FARS2: variants seen among roughly 807,000 people sequenced by gnomAD.
FARS2 encodes the protein phenylalanine--tRNA ligase, mitochondrial.
In FARS2, 40 loss-of-function variants were observed where a neutral mutation model predicts 46.4. The observed-to-expected ratio is 0.86, with a 90% CI of 0.67 to 1.12. The LOEUF (loss-of-function observed/expected upper bound fraction) is 1.12. FARS2 is among the 50% of genes most tolerant of loss of function. FARS2 has a pLI of 0.00. For missense variants in FARS2, 513 were observed against 567.9 expected, an observed-to-expected ratio of 0.90 and a Z score of 0.98; for synonymous variants, 234 against 214.9, an observed-to-expected ratio of 1.09 and a Z score of -0.78.
At position 5,590,403 on chromosome 6, in the gene FARS2, C is replaced by T. The variant is rs569002714; in HGVS notation, c.1066-22766C>T. ...GCACCCAGCCAGCCCGGTTGAGAGC[C>T]CTTCAGCTCTGGCACAGTGCTCCAC... On this transcript the variant is annotated intron_variant, in intron 5 of 6. Coordinates refer to ENST00000274680, the MANE Select transcript of FARS2 (RefSeq NM_006567.5). Among the ~76,000 whole-genome samples the T allele has an allele frequency of 2.0e-5, 3 of 152,252 alleles. No homozygotes were observed. The East Asian group carries it at 5.8e-4, about 29-fold the overall frequency.
At chr6:5,640,015 A>G (rs867674501) in intron 6 of FARS2, among the ~76,000 whole-genome samples, 5 of 152,294 alleles carry the variant, frequency 3.3e-5, no homozygotes, top group Admixed American at 6.5e-5. Context: ...CCATTTTGCC[A>G]TATCTGTTCC....
At chr6:5,258,079 A>T (rs1201034806), upstream of FARS2, among the ~76,000 whole-genome samples, 1 of 152,160 alleles carries the variant, frequency 6.6e-6, no homozygotes, top group Admixed American at 6.5e-5. Flanking sequence ...ATAGAACAGT[A>T]CTTGTAAAGG....
At chr6:5,445,853 C>G (rs1323543461) in intron 4 of FARS2, among the ~76,000 whole-genome samples, 1 of 152,110 alleles carries the variant, frequency 6.6e-6, no homozygotes, top group African/African-American at 2.4e-5. Flanking sequence ...ACCTAGGAGG[C>G]TGAAGGAAGT....
chr6:5,648,255 C>A (rs540835975), intron 6 of FARS2, among the ~76,000 whole-genome samples: 1 of 152,344 alleles, frequency 6.6e-6, no homozygotes, highest in South Asian at 2.1e-4. Context: ...GCCTCCTTTG[C>A]CCATTTGCCA....
At chr6:5,601,549 A>G (rs958107249) in intron 5 of FARS2, among the ~76,000 whole-genome samples, 4 of 127,648 alleles carry the variant, frequency 3.1e-5, no homozygotes, top group African/African-American at 1.2e-4. Flanking sequence ...AAAAAAAAAA[A>G]AAGACGAGAG....
intron 6 of FARS2, among the ~76,000 whole-genome samples, chr6:5,756,655 A>G (rs1030919946): frequency 3.9e-5 from 6 of 152,220 alleles, no homozygotes. Flanking sequence ...TTACAATTCA[A>G]CATGAGATTT....
chr6:5,448,471 GT>G (rs35279187), intron 4 of FARS2, among the ~76,000 whole-genome samples: 29 of 145,544 alleles, frequency 2.0e-4, no homozygotes, highest in African/African-American at 3.3e-4. Context: ...CATTTTTTCT[GT>G]TTTTTTTTTT....
At chr6:5,350,787 A>C (rs1004722815) in intron 1 of FARS2, among the ~76,000 whole-genome samples, 8 of 152,220 alleles carry the variant, frequency 5.3e-5, no homozygotes, top group African/African-American at 1.9e-4. Context: ...AATTGGGTAA[A>C]GAGTCCATGG....
intron 6 of FARS2, among the ~76,000 whole-genome samples, chr6:5,768,844 T>A (rs1170298507): frequency 1.3e-5 from 2 of 152,340 alleles, no homozygotes; most frequent in Non-Finnish European, 2.9e-5. Context: ...ATCGTTGAGT[T>A]GTAAGAGTTC....
intron 1 of FARS2, among the ~76,000 whole-genome samples, chr6:5,352,511 G>A (rs552537396): frequency 6.6e-6 from 1 of 152,026 alleles, no homozygotes; most frequent in Non-Finnish European, 1.5e-5. Context: ...CAGTAGGTGA[G>A]CAGGAAGGGA....
the FARS2 span, among the ~76,000 whole-genome samples, chr6:5,252,442 A>G: frequency 0.29 from 43,627 of 151,978 alleles, 7,891 homozygotes; most frequent in African/African-American, 0.51. Context: ...TCAGTCCAAC[A>G]CTTCAGCCAC....
rs944630264 is a variant in FARS2, at chr6:5,566,700, A to G, written c.1065+21360A>G. Among the ~76,000 whole-genome samples, 5 of 152,254 alleles carry G rather than the reference A, an allele frequency of 3.3e-5. No homozygotes were observed. In the South Asian group the frequency reaches 8.3e-4, roughly 25 times the overall value. On this transcript the variant is annotated intron_variant, in intron 5 of 6. Coordinates refer to ENST00000274680, the MANE Select transcript of FARS2 (RefSeq NM_006567.5). ...ACATGAAGGACTTTTAAATATACCTATAACTTGAGTATCTACTTTTAGTTA... is the reference window on the plus strand; with the variant it reads ...ACATGAAGGACTTTTAAATATACCTGTAACTTGAGTATCTACTTTTAGTTA...
chr6:5,393,215 C>T (rs1243192709), intron 2 of FARS2, among the ~76,000 whole-genome samples: 1 of 151,970 alleles, frequency 6.6e-6, no homozygotes, highest in Non-Finnish European at 1.5e-5. Flanking sequence ...CAGGTAGACT[C>T]TCAGGATTAT....
chr6:5,487,445 G>A (rs1040761223), intron 4 of FARS2, among the ~76,000 whole-genome samples: 9 of 152,168 alleles, frequency 5.9e-5, no homozygotes, highest in African/African-American at 1.9e-4. Context: ...CCATGTGGCA[G>A]GTACCAAGGT....
At chr6:5,388,576 G>A (rs571298483) in intron 2 of FARS2, among the ~76,000 whole-genome samples, 12 of 151,962 alleles carry the variant, frequency 7.9e-5, no homozygotes, top group Non-Finnish European at 1.5e-4. Flanking sequence ...TTCTTTTCTG[G>A]CTAACACTGT....
At chr6:5,367,613 G>A (rs1050814909) in intron 1 of FARS2, among the ~76,000 whole-genome samples, 13 of 151,692 alleles carry the variant, frequency 8.6e-5, no homozygotes, top group Middle Eastern at 3.4e-3. Flanking sequence ...TGACAGCTGA[G>A]GTGACTTTCA....
chr6:5,701,789 C>G (rs1422487028), intron 6 of FARS2, among the ~76,000 whole-genome samples: 6 of 152,278 alleles, frequency 3.9e-5, no homozygotes, highest in Admixed American at 2.6e-4. Flanking sequence ...AATTGGAATT[C>G]TCAGTATTCT....
chr6:5,251,157 C>T, the FARS2 span, among the ~76,000 whole-genome samples: 548 of 152,210 alleles, frequency 3.6e-3, 2 homozygotes, highest in Non-Finnish European at 4.9e-3. Context: ...TTACTAGGTT[C>T]TAGTGTGGTA....
chr6:5,609,572 A>C, intron 5 of FARS2: 7 of 1,282,048 alleles, frequency 5.5e-6, no homozygotes, highest in Non-Finnish European at 7.8e-6. Context: ...AACCACCTCC[A>C]CGACCACCAC....
Sources: gnomAD v4.1 joint callset for allele counts (sites outside exome capture counted in the v4.1 genomes callset) on GRCh38, gnomAD v4.1.1 for gene constraint, MANE v1.5 for transcripts, NCBI Gene and HGNC (gene_info 2026-07-23, HGNC 2026-07-21) for gene names.